SEPTIN10: variants seen among roughly 807,000 people sequenced by gnomAD.
SEPTIN10 encodes septin 10.
In SEPTIN10, 66 loss-of-function variants were observed where a neutral mutation model predicts 54.8. The ratio of observed to expected loss-of-function variants is 1.21; its 90% CI spans 0.99 to 1.48. The LOEUF (loss-of-function observed/expected upper bound fraction) is 1.48. Ranked by LOEUF, SEPTIN10 falls within the 40% of genes most tolerant of loss-of-function variation. The pLI, the probability that SEPTIN10 is intolerant of heterozygous loss-of-function variation, is 0.00. For synonymous variants in SEPTIN10, 161 were observed against 181.0 expected (o/e 0.89, Z 0.89); for missense variants, 620 against 545.6 (o/e 1.14, Z -1.36).
At chr2:109,605,465 C>G (rs1462682511) in intron 1 of SEPTIN10, 1 of 150,642 alleles carries the variant, frequency 6.6e-6, no homozygotes, top group Non-Finnish European at 1.5e-5. Context: ...AGTGAAACTC[C>G]ATTTCAAAAA....
At chr2:109,577,763 A>G (rs1291768203) in intron 4 of SEPTIN10, among the ~76,000 whole-genome samples, 1 of 151,760 alleles carries the variant, frequency 6.6e-6, no homozygotes, top group Non-Finnish European at 1.5e-5. Flanking sequence ...AAATACAAAA[A>G]TTAGCCAGGT....
intron 1 of SEPTIN10, among the ~76,000 whole-genome samples, chr2:109,596,642 T>C (rs1390606955): frequency 6.6e-6 from 1 of 151,628 alleles, no homozygotes. Context: ...AAGAAAAAAA[T>C]TAGAGGCTTT....
chr2:109,568,775 GCCT>G (rs1362295437), intron 5 of SEPTIN10, among the ~76,000 whole-genome samples: 2 of 152,124 alleles, frequency 1.3e-5, no homozygotes, highest in Admixed American at 6.5e-5. Flanking sequence ...TTCTCTTTGT[GCCT>G]CGTTTCAGGA....
Position 109,546,052 on chromosome 2 carries a change from CT to C in SEPTIN10, c.1346del (p.Lys449ArgfsTer69). On this transcript the variant is annotated frameshift_variant, in exon 10 of 11. Transcript: ENST00000397712. LOFTEE classifies it high-confidence loss of function. ...GSNLRKDKDR[K>X]NSNFL ...GGGAGGGTGGCTGGGCCTCTTACTTCTTACGGTCCTTGTCCTTCCTCAGGTT... is the reference window on the plus strand; with the variant it reads ...GGGAGGGTGGCTGGGCCTCTTACTTCTACGGTCCTTGTCCTTCCTCAGGTT... 6.4e-7 allele frequency: 1 copy of C among 1,572,016 alleles called. No homozygotes were observed. Among genetic ancestry groups the C allele is most frequent in the South Asian group, 1.2e-5 (1 of 84,356 alleles).
At chr2:109,590,778 A>AATC (rs1693890297) in intron 2 of SEPTIN10, among the ~76,000 whole-genome samples, 1 of 152,148 alleles carries the variant, frequency 6.6e-6, no homozygotes, top group South Asian at 2.1e-4. Flanking sequence ...CAAAGACATG[A>AATC]AGCATGAAGA....
chr2:109,573,010 T>G lies in SEPTIN10; in HGVS notation c.600+1571A>C, dbSNP rs572900507. ...TAAAGAATATATTTAAATCACCAAATTTGGAAAAGATTAGATAATATATAC... is the reference window on the plus strand; with the variant it reads ...TAAAGAATATATTTAAATCACCAAAGTTGGAAAAGATTAGATAATATATAC... On this transcript the variant is annotated intron_variant, in intron 5 of 10. Transcript: ENST00000397712. 3.9e-5 allele frequency among the ~76,000 whole-genome samples: 6 copies of G among 152,258 alleles called. 1 individual carries two copies. The highest frequency in any genetic ancestry group is 1.4e-4 in the African/African-American group (6 of 41,560).
intron 5 of SEPTIN10, among the ~76,000 whole-genome samples, chr2:109,569,145 TTGAC>T (rs1473206202): frequency 6.6e-6 from 1 of 151,932 alleles, no homozygotes; most frequent in Non-Finnish European, 1.5e-5. Context: ...AAGTAAAAAA[TTGAC>T]TGGGCGTGGT....
intron 1 of SEPTIN10, among the ~76,000 whole-genome samples, chr2:109,595,298 T>C (rs1217488884): frequency 3.9e-5 from 6 of 152,202 alleles, no homozygotes; most frequent in Non-Finnish European, 7.3e-5. Flanking sequence ...ACGGTTCTGA[T>C]TGTGTTTTTA....
intron 1 of SEPTIN10, among the ~76,000 whole-genome samples, chr2:109,607,137 G>A (rs1375038179): frequency 6.6e-6 from 1 of 152,118 alleles, no homozygotes; most frequent in Admixed American, 6.6e-5. Context: ...TTTGTAAAAA[G>A]CTTTCATTCT....
chr2:109,578,932 C>T (rs1018926170), intron 4 of SEPTIN10, among the ~76,000 whole-genome samples: 1 of 151,746 alleles, frequency 6.6e-6, no homozygotes, highest in African/African-American at 2.4e-5. Context: ...GACGTAAGAG[C>T]AGAAAGTAAT....
chr2:109,574,550 T>C (rs1364064528), intron 5 of SEPTIN10, 31 bp downstream of exon 5: 1 of 1,333,178 alleles, frequency 7.5e-7, no homozygotes, highest in Non-Finnish European at 9.9e-7. Flanking sequence ...AATATTAAAG[T>C]ATGGTAAGTT....
intron 5 of SEPTIN10, among the ~76,000 whole-genome samples, chr2:109,572,323 C>T (rs1056913520): frequency 2.0e-5 from 3 of 152,222 alleles, no homozygotes; most frequent in South Asian, 2.1e-4. Context: ...TTAGTAGAGA[C>T]GGGGTTTCAC....
At chr2:109,583,789 T>C (rs1691788994) in intron 4 of SEPTIN10, among the ~76,000 whole-genome samples, 1 of 152,286 alleles carries the variant, frequency 6.6e-6, no homozygotes, top group East Asian at 1.9e-4. Context: ...ATACCTACCA[T>C]GGACTACTAC....
chr2:109,613,408 C>T (rs1699711785), intron 1 of SEPTIN10: 1 of 323,238 alleles, frequency 3.1e-6, no homozygotes, highest in Non-Finnish European at 6.2e-6. Flanking sequence ...CAGGGAGGCT[C>T]GGAAGTGCTC....
Position 109,546,175 on chromosome 2 carries a change from T to C in SEPTIN10, c.1224A>G (p.Glu408=). Residue 408 remains glutamate (E), a synonymous_variant, in exon 10 of 11, where the codon GAA becomes GAG. Coordinates refer to ENST00000397712, the MANE Select transcript of SEPTIN10 (RefSeq NM_144710.5). ...LHQEERMKLE[E]KRRLLEEEII... ...TTTCTTCTTCCAAAAGTCTTCTCTT[T>C]TCTTCAAGCTTCATTCTCTCTTCTT... 1.2e-6 allele frequency: 2 copies of C among 1,609,010 alleles called. No individual in the cohort carries two copies. Among genetic ancestry groups the C allele is most frequent in the Non-Finnish European group, 8.5e-7 (1 of 1,178,102 alleles).
At chr2:109,564,225 A>G (rs1426509648) in intron 8 of SEPTIN10, 141 bp downstream of exon 8, 8 of 709,492 alleles carry the variant, frequency 1.1e-5, no homozygotes, top group Non-Finnish European at 1.6e-5. Context: ...AAGAAGCACA[A>G]TAATTAGTCA....
In SEPTIN10 at chr2:109,565,793, C is replaced by A; in HGVS notation, c.829G>T (p.Ala277Ser). 6.2e-7 allele frequency: 1 copy of A among 1,614,056 alleles called. No homozygotes were observed. Among genetic ancestry groups the A allele is most frequent in the Non-Finnish European group, 8.5e-7 (1 of 1,179,980 alleles). ...ACAACACCCCAAGGGTACTGGCGAG[C>A]TTTGACCATCTTGTTTCCGACTTTT... Reference protein sequence around the residue: ...EVKVGNKMVKARQYPWGVVQV... With the variant: ...EVKVGNKMVKSRQYPWGVVQV... Residue 277 changes from alanine to serine, a missense_variant, in exon 7 of 11, where the codon GCT becomes TCT. Physicochemically the swap from Ala to Ser is moderately conservative, Grantham distance 99. Coordinates refer to ENST00000397712, the MANE Select transcript of SEPTIN10 (RefSeq NM_144710.5).
chr2:109,595,421 C>T (rs2106009494), intron 1 of SEPTIN10, among the ~76,000 whole-genome samples: 2 of 152,252 alleles, frequency 1.3e-5, no homozygotes, highest in East Asian at 3.9e-4. Flanking sequence ...TTCACTTACA[C>T]CCTGCCATTC....
At position 109,553,080 on chromosome 2, in the gene SEPTIN10, T is replaced by C. The variant is rs371076406; in HGVS notation, c.1161+7A>G. The C allele has an allele frequency of 8.9e-5, 143 of 1,611,252 alleles. No individual in the cohort carries two copies. The highest frequency in any genetic ancestry group is 1.1e-4 in the Non-Finnish European group (130 of 1,179,690). On this transcript the variant is annotated splice_region_variant and intron_variant, in intron 9 of 10. Coordinates refer to ENST00000397712, the MANE Select transcript of SEPTIN10 (RefSeq NM_144710.5). The stretch of plus-strand genomic sequence containing the variant: ...AAATGCAAATCACATCAAACCAGCA[T>C]ACTTGCCTCTCTCTCAGCTTCTTTC...
Sources: gnomAD v4.1 joint callset for allele counts (sites outside exome capture counted in the v4.1 genomes callset) on GRCh38, gnomAD v4.1.1 for gene constraint, MANE v1.5 for transcripts, NCBI Gene and HGNC (gene_info 2026-07-23, HGNC 2026-07-21) for gene names.